The following RORA variants were observed in gnomAD, a reference collection of about 807,000 sequenced individuals.
RORA encodes nuclear receptor ROR-alpha.
In RORA, 7 loss-of-function variants were observed where a neutral mutation model predicts 69.5. The ratio of observed to expected loss-of-function variants is 0.10; its 90% CI spans 0.06 to 0.19. The LOEUF is 0.19. Among genes scored for constraint, RORA ranks in the 10% least tolerant of loss-of-function variants. The pLI, the probability that RORA is intolerant of heterozygous loss-of-function variation, is 1.00. For synonymous variants in RORA, 261 were observed against 240.8 expected (o/e 1.08, Z -0.78); for missense variants, 457 against 663.0 (o/e 0.69, Z 3.41).
chr15:60,722,429 TAAAC>T (rs2071305592), intron 1 of RORA, among the ~76,000 whole-genome samples: 1 of 152,238 alleles, frequency 6.6e-6, no homozygotes, highest in African/African-American at 2.4e-5. Flanking sequence ...TATGTACAAA[TAAAC>T]AGAGTGTTTC....
At position 60,533,288 on chromosome 15, in the gene RORA, C is replaced by T. The variant is rs186372520; in HGVS notation, c.197-1437G>A. On this transcript the variant is annotated intron_variant, in intron 2 of 10. Coordinates refer to ENST00000335670, the MANE Select transcript of RORA (RefSeq NM_134261.3). ...TGCTGTCCAAATTTAGAGATTGTTC[C>T]AGATCTCACATCCAGTGTATTTTCT... Among the ~76,000 whole-genome samples the T allele has an allele frequency of 7.2e-5, 11 of 152,234 alleles. No individual in the cohort carries two copies. In the East Asian group the frequency reaches 2.1e-3, roughly 29 times the overall value.
intron 1 of RORA, among the ~76,000 whole-genome samples, chr15:61,013,305 G>T (rs1895150707): frequency 6.6e-6 from 1 of 152,280 alleles, no homozygotes; most frequent in Admixed American, 6.5e-5. Context: ...TTTATGAACT[G>T]CCTCTGGCTG....
intron 1 of RORA, among the ~76,000 whole-genome samples, chr15:60,898,006 A>G (rs552260930): frequency 9.2e-5 from 14 of 152,372 alleles, no homozygotes; most frequent in African/African-American, 3.4e-4. Flanking sequence ...AATGATGAAC[A>G]TGGGATCTTA....
intron 2 of RORA, among the ~76,000 whole-genome samples, chr15:60,550,291 AAAACAAAC>A (rs199798056): frequency 6.6e-5 from 10 of 152,088 alleles, no homozygotes; most frequent in African/African-American, 2.4e-4. Flanking sequence ...CTCCGTCTCA[AAAACAAAC>A]AAACAAACAA....
intron 1 of RORA, among the ~76,000 whole-genome samples, chr15:60,696,307 C>T (rs2070904240): frequency 6.6e-6 from 1 of 152,158 alleles, no homozygotes; most frequent in Non-Finnish European, 1.5e-5. Context: ...GTCCTCCCAG[C>T]TGGCCCCTCC....
chr15:60,776,316 T>C, intron 1 of RORA, among the ~76,000 whole-genome samples: 1 of 152,228 alleles, frequency 6.6e-6, no homozygotes, highest in East Asian at 1.9e-4. Flanking sequence ...CCCCTTCATC[T>C]TGGACTAGTT....
In RORA at chr15:60,979,162, C is replaced by T. The variant is rs138528697; in HGVS notation, c.166+249891G>A. On this transcript the variant is annotated intron_variant, in intron 1 of 10. Coordinates refer to ENST00000335670, the MANE Select transcript of RORA (RefSeq NM_134261.3). ...TGTATTTTTAGTAGAGACGGGGTTT[C>T]ACCATGCTAGCCAGGATGGTCTTCA... Among the ~76,000 whole-genome samples the T allele has an allele frequency of 3.4e-3, 517 of 151,502 alleles. 6 individuals carry two copies. Among genetic ancestry groups the T allele is most frequent in the East Asian group, 0.029 (147 of 5,122 alleles).
chr15:61,066,514 C>T (rs1227311665), intron 1 of RORA, among the ~76,000 whole-genome samples: 10 of 149,976 alleles, frequency 6.7e-5, no homozygotes, highest in African/African-American at 2.5e-4. Context: ...GCAACCTCCA[C>T]CTCCCAGGTT....
chr15:60,983,571 C>T (rs943783081), intron 1 of RORA, among the ~76,000 whole-genome samples: 2 of 152,138 alleles, frequency 1.3e-5, no homozygotes, highest in African/African-American at 4.8e-5. Flanking sequence ...TACCCAGAGG[C>T]TTCATCTACA....
At chr15:61,151,354 A>G (rs1201483341) in intron 1 of RORA, among the ~76,000 whole-genome samples, 1 of 152,226 alleles carries the variant, frequency 6.6e-6, no homozygotes, top group Non-Finnish European at 1.5e-5. Context: ...TACACTTAAT[A>G]TGTAATCCTA....
chr15:60,952,275 T>C (rs1893132178), intron 1 of RORA, among the ~76,000 whole-genome samples: 1 of 152,092 alleles, frequency 6.6e-6, no homozygotes, highest in African/African-American at 2.4e-5. Flanking sequence ...AAATTAGGTA[T>C]TGATGGGACG....
At chr15:60,758,267 A>C (rs1029913363) in intron 1 of RORA, among the ~76,000 whole-genome samples, 1 of 152,190 alleles carries the variant, frequency 6.6e-6, no homozygotes, top group African/African-American at 2.4e-5. Context: ...CCACTCAGAT[A>C]GTCTCTACCA....
chr15:60,696,417 C>G (rs1382851509), intron 1 of RORA, among the ~76,000 whole-genome samples: 1 of 152,080 alleles, frequency 6.6e-6, no homozygotes, highest in Non-Finnish European at 1.5e-5. Context: ...AACTATTAGC[C>G]AAATCCCCTC....
At chr15:60,899,629 A>G (rs1399410566) in intron 1 of RORA, among the ~76,000 whole-genome samples, 1 of 152,196 alleles carries the variant, frequency 6.6e-6, no homozygotes, top group Non-Finnish European at 1.5e-5. Flanking sequence ...ACCTCTTACC[A>G]TTCCACCAGG....
At chr15:60,566,294 T>A (rs2067710562) in intron 2 of RORA, among the ~76,000 whole-genome samples, 4 of 152,222 alleles carry the variant, frequency 2.6e-5, no homozygotes, top group Admixed American at 2.6e-4. Flanking sequence ...ATCACTCAAG[T>A]TTTCCTTTTT....
chr15:61,199,912 C>G (rs1210773232), intron 1 of RORA, among the ~76,000 whole-genome samples: 2 of 152,214 alleles, frequency 1.3e-5, no homozygotes, highest in African/African-American at 4.8e-5. Flanking sequence ...CTGGGATACA[C>G]CTGGGTGAAG....
intron 1 of RORA, among the ~76,000 whole-genome samples, chr15:60,889,592 G>A (rs1444069863): frequency 3.3e-5 from 5 of 152,238 alleles, no homozygotes; most frequent in East Asian, 3.8e-4. Context: ...CAGAGGCCTC[G>A]TGGTAAACCC....
chr15:60,808,302 T>C (rs921255358), intron 1 of RORA, among the ~76,000 whole-genome samples: 3 of 152,008 alleles, frequency 2.0e-5, no homozygotes. Context: ...CCAACAAGCA[T>C]ATGGAAAAAT....
chr15:60,807,251 C>T (rs925019927), intron 1 of RORA, among the ~76,000 whole-genome samples: 6 of 152,006 alleles, frequency 3.9e-5, no homozygotes, highest in Non-Finnish European at 2.9e-5. Flanking sequence ...TATCAGTAGC[C>T]CTGCTATACA....
Sources: allele counts gnomAD v4.1 joint callset (sites outside exome capture counted in the v4.1 genomes callset), GRCh38; gene constraint gnomAD v4.1.1; transcripts MANE v1.5; gene names NCBI Gene and HGNC (gene_info 2026-07-23, HGNC 2026-07-21).